PDLIM2: variants seen among roughly 807,000 people sequenced by gnomAD.
PDLIM2 encodes the protein PDZ and LIM domain protein 2.
A neutral mutation model predicts 54.1 loss-of-function variants in PDLIM2; 51 were observed. The ratio of observed to expected loss-of-function variants is 0.94; its 90% CI spans 0.75 to 1.19. The LOEUF (loss-of-function observed/expected upper bound fraction) is 1.19, where lower values mean the gene tolerates loss of function less well. Ranked by LOEUF, PDLIM2 falls within the 50% of genes most tolerant of loss-of-function variation. PDLIM2 has a pLI of 0.00. For missense variants in PDLIM2, 912 were observed against 874.0 expected, an observed-to-expected ratio of 1.04 and a Z score of -0.55; for synonymous variants, 398 against 385.6, an observed-to-expected ratio of 1.03 and a Z score of -0.38.
exon 10 of PDLIM2, chr8:22,594,043 C>G: frequency 6.9e-7 from 1 of 1,451,112 alleles, no homozygotes; most frequent in Non-Finnish European, 9.0e-7. Context: ...TTTGTCCTCG[C>G]TGGGTGGGCC....
exon 1 of PDLIM2, chr8:22,578,931 C>A: frequency 2.4e-6 from 3 of 1,238,090 alleles, no homozygotes; most frequent in South Asian, 4.0e-5. Context: ...AGGATGCGGG[C>A]ACCACCGGCT....
At chr8:22,590,665 T>G (rs545397498) in intron 8 of PDLIM2, 2 of 152,312 alleles carry the variant, frequency 1.3e-5, no homozygotes, top group African/African-American at 2.4e-5. Flanking sequence ...GAGAAGCTGG[T>G]TTCCCAGGAA....
At chr8:22,589,736 A>G (rs1800486063) in exon 8 of PDLIM2, 2 of 1,564,938 alleles carry the variant, frequency 1.3e-6, no homozygotes, top group East Asian at 2.4e-5. Context: ...GAGGCTGAGG[A>G]GAGAGGTGAG....
In PDLIM2 at chr8:22,589,301, G is replaced by A. The variant is rs1166729857; in HGVS notation, c.1294G>A (p.Gly432Ser). ...CCCGGCTGCCTCCTCCCAACAGGCCGGCCTCGGCCGCGCTGGCGACTCGGC... is the reference window on the plus strand; with the variant it reads ...CCCGGCTGCCTCCTCCCAACAGGCCAGCCTCGGCCGCGCTGGCGACTCGGC... Residue 432 changes from glycine to serine, a missense_variant, in exon 7 of 10, where the codon GGC (glycine) becomes AGC (serine). Gly to Ser is a moderately conservative substitution (Grantham distance 56). Transcript: ENST00000308354. 3.3e-6 allele frequency: 5 copies of A among 1,533,792 alleles called. No individual in the cohort carries two copies. In the Admixed American group the frequency reaches 5.9e-5, roughly 18 times the overall value.
chr8:22,594,303 A>G, downstream of PDLIM2: 1 of 1,411,800 alleles, frequency 7.1e-7, no homozygotes, highest in Non-Finnish European at 9.2e-7. Flanking sequence ...AATAAAGTAG[A>G]TGTCCCTTCC....
downstream of PDLIM2, chr8:22,594,858 C>T (rs1391801796): frequency 4.9e-6 from 3 of 611,386 alleles, no homozygotes; most frequent in African/African-American, 1.9e-5. Flanking sequence ...CTCAGGAGGC[C>T]GAGGCTGCCT....
At chr8:22,579,562 C>T in intron 1 of PDLIM2, 2 of 1,436,862 alleles carry the variant, frequency 1.4e-6, no homozygotes, top group Non-Finnish European at 1.8e-6. Flanking sequence ...GAGCCGGCCT[C>T]GGGGACTGGG....
downstream of PDLIM2, chr8:22,596,695 G>T (rs913555757): frequency 6.6e-6 from 1 of 152,248 alleles, no homozygotes; most frequent in African/African-American, 2.4e-5. Context: ...ACCCCCTTTG[G>T]TTAGAGAAGG....
intron 3 of PDLIM2, among the ~76,000 whole-genome samples, chr8:22,583,572 C>G (rs1800275169): frequency 6.6e-6 from 1 of 152,062 alleles, no homozygotes; most frequent in South Asian, 2.1e-4. Context: ...TCAAGACCAG[C>G]CTGGCCAATA....
chr8:22,591,443 A>T, intron 8 of PDLIM2, 108 bp from the exon 8 acceptor site: 1 of 951,734 alleles, frequency 1.1e-6, no homozygotes, highest in Non-Finnish European at 1.7e-6. Context: ...GCGTGACTTT[A>T]GGGTTTCTCT....
At chr8:22,583,981 C>A (rs1800291632) in intron 3 of PDLIM2, among the ~76,000 whole-genome samples, 2 of 143,760 alleles carry the variant, frequency 1.4e-5, no homozygotes, top group Non-Finnish European at 3.0e-5. Flanking sequence ...ACTATCCTTT[C>A]TTTTTTTGGG....
rs536705540 is a variant in PDLIM2 at position 22,589,324 on chromosome 8, G to A, written c.1317G>A (p.Ser439=). 9 of 1,534,150 alleles carry A rather than the reference G, an allele frequency of 5.9e-6. No homozygotes were observed. The African/African-American group carries it at 6.9e-5, about 12-fold the overall frequency. Reference sequence around the variant, plus strand: ...CCGGCCTCGGCCGCGCTGGCGACTCGGCGGTGCTGGTGCTGCCGCCTTCCC... The same window carrying A: ...CCGGCCTCGGCCGCGCTGGCGACTCAGCGGTGCTGGTGCTGCCGCCTTCCC... Residue 439 remains serine, a synonymous_variant, in exon 7 of 10, where the codon TCG becomes TCA. Coordinates refer to ENST00000308354, the Ensembl canonical transcript of PDLIM2.
chr8:22,588,521 A>C (rs533272454), intron 6 of PDLIM2: 1 of 152,364 alleles, frequency 6.6e-6, no homozygotes, highest in Non-Finnish European at 1.5e-5. Flanking sequence ...GTGGCAACGG[A>C]AAGGGAGCAG....
chr8:22,579,285 C>A (rs1800120299), exon 1 of PDLIM2: 1 of 1,381,756 alleles, frequency 7.2e-7, no homozygotes, highest in Non-Finnish European at 9.3e-7. Context: ...GGGCTCCTCT[C>A]CGCGCCCCTG....
chr8:22,589,698 C>A (rs1586927256), exon 8 of PDLIM2: 2 of 1,572,384 alleles, frequency 1.3e-6, no homozygotes, highest in Non-Finnish European at 1.7e-6. Context: ...GACAGTCCAG[C>A]TCCTTTCGGC....
At chr8:22,592,205 C>T (rs1348331719) in intron 9 of PDLIM2, 1 of 151,560 alleles carries the variant, frequency 6.6e-6, no homozygotes, top group Non-Finnish European at 1.5e-5. Context: ...TCTCAGCCTC[C>T]CGAGTTGTTG....
chr8:22,579,623 A>C, intron 1 of PDLIM2: 1 of 1,309,158 alleles, frequency 7.6e-7, no homozygotes, highest in Non-Finnish European at 9.8e-7. Context: ...AGGGGAAGGC[A>C]GCCGGGGATG....
intron 6 of PDLIM2, chr8:22,588,223 C>T (rs920175026): frequency 6.6e-6 from 1 of 152,262 alleles, no homozygotes; most frequent in African/African-American, 2.4e-5. Context: ...TACTGGAGAA[C>T]CCTGAGAGCA....
At chr8:22,590,296 A>T (rs1800504435) in intron 8 of PDLIM2, 1 of 155,148 alleles carries the variant, frequency 6.4e-6, no homozygotes, top group African/African-American at 2.4e-5. Context: ...GAAAGCCATT[A>T]AATACTGATG....
Sources: allele counts gnomAD v4.1 joint callset (sites outside exome capture counted in the v4.1 genomes callset), GRCh38; gene constraint gnomAD v4.1.1; transcripts MANE v1.5; gene names NCBI Gene and HGNC (gene_info 2026-07-23, HGNC 2026-07-21).